The following MTUS2 variants were observed in gnomAD, a reference collection of about 807,000 sequenced individuals.
MTUS2 encodes microtubule-associated tumor suppressor candidate 2.
Under a neutral mutation model 114.1 loss-of-function variants are expected in MTUS2, and 40 were observed. The observed-to-expected ratio is 0.35, with a 90% CI of 0.27 to 0.46. The LOEUF is 0.46. MTUS2 is among the 20% of genes least tolerant of loss of function. The pLI is 1.00. For missense variants in MTUS2, 1,679 were observed against 1,705.4 expected, an observed-to-expected ratio of 0.98 and a Z score of 0.27; for synonymous variants, 688 against 672.0, an observed-to-expected ratio of 1.02 and a Z score of -0.37.
chr13:29,416,000 C>T (rs993242224), intron 8 of MTUS2, among the ~76,000 whole-genome samples: 1 of 152,020 alleles, frequency 6.6e-6, no homozygotes, highest in Non-Finnish European at 1.5e-5. Flanking sequence ...CTTACTGCAA[C>T]CTCTGCCTCC....
intron 2 of MTUS2, among the ~76,000 whole-genome samples, chr13:28,963,690 G>A (rs1293684428): frequency 6.7e-6 from 1 of 149,330 alleles, no homozygotes; most frequent in East Asian, 1.9e-4. Flanking sequence ...TGAAAGAGTT[G>A]TCTGTGGACG....
intron 5 of MTUS2, among the ~76,000 whole-genome samples, chr13:29,279,744 G>A (rs1206112211): frequency 1.3e-5 from 2 of 152,142 alleles, no homozygotes; most frequent in African/African-American, 4.8e-5. Flanking sequence ...ACTTCAAACA[G>A]ATGAATTACT....
At chr13:29,064,863 G>A (rs1888592830) in intron 4 of MTUS2, among the ~76,000 whole-genome samples, 1 of 152,188 alleles carries the variant, frequency 6.6e-6, no homozygotes, top group South Asian at 2.1e-4. Flanking sequence ...TCACTTGTAA[G>A]TGAGAACATG....
chr13:28,878,273 ATATG>A (rs1199317686), intron 2 of MTUS2, among the ~76,000 whole-genome samples: 1 of 150,202 alleles, frequency 6.7e-6, no homozygotes, highest in Admixed American at 6.6e-5. Flanking sequence ...ATATGTGTAT[ATATG>A]TGTGTGTATG....
chr13:29,166,534 C>G (rs1002127845), intron 5 of MTUS2, among the ~76,000 whole-genome samples: 3 of 152,202 alleles, frequency 2.0e-5, no homozygotes, highest in Non-Finnish European at 4.4e-5. Flanking sequence ...TAGTAATTCT[C>G]AGCAATAGAT....
chr13:29,389,463 A>ATGTATACACGTG (rs1566173151), intron 8 of MTUS2, among the ~76,000 whole-genome samples: 10 of 46,282 alleles, frequency 2.2e-4, no homozygotes, highest in South Asian at 9.7e-4. Flanking sequence ...ACGTGTGTGT[A>ATGTATACACGTG]TGTGTATATG....
chr13:28,966,450 A>C (rs1883585890), intron 2 of MTUS2, among the ~76,000 whole-genome samples: 1 of 152,152 alleles, frequency 6.6e-6, no homozygotes, highest in Non-Finnish European at 1.5e-5. Context: ...GGCTGGGTGC[A>C]ATGGGTCACA....
intron 2 of MTUS2, among the ~76,000 whole-genome samples, chr13:28,869,185 C>T (rs1256196440): frequency 2.0e-5 from 3 of 152,216 alleles, no homozygotes; most frequent in Non-Finnish European, 4.4e-5. Context: ...TCCACTCCTA[C>T]ACTCGTTGGA....
At chr13:29,344,210 T>C (rs998718668) in intron 7 of MTUS2, among the ~76,000 whole-genome samples, 3 of 145,044 alleles carry the variant, frequency 2.1e-5, no homozygotes, top group African/African-American at 7.5e-5. Context: ...TTGTTGACTT[T>C]CTGTCTTGAT....
intron 2 of MTUS2, among the ~76,000 whole-genome samples, chr13:28,915,449 A>G (rs1027156437): frequency 2.0e-5 from 3 of 151,858 alleles, no homozygotes; most frequent in Non-Finnish European, 3.0e-5. Flanking sequence ...CCATATCCTC[A>G]CTAGGATTTC....
chr13:28,914,693 C>T (rs1413266485), intron 2 of MTUS2, among the ~76,000 whole-genome samples: 1 of 151,918 alleles, frequency 6.6e-6, no homozygotes, highest in Non-Finnish European at 1.5e-5. Flanking sequence ...GTTAAAGTTT[C>T]CCACTATTAT....
intron 2 of MTUS2, among the ~76,000 whole-genome samples, chr13:28,992,487 C>T (rs1884906322): frequency 6.6e-6 from 1 of 152,094 alleles, no homozygotes; most frequent in South Asian, 2.1e-4. Context: ...TTGACGGCTG[C>T]ACATGGACTA....
chr13:29,101,115 A>C, intron 5 of MTUS2, 145 bp downstream of exon 5: 1 of 917,450 alleles, frequency 1.1e-6, no homozygotes, highest in Non-Finnish European at 1.6e-6. Context: ...TCATCTACTG[A>C]AGAAAAATAG....
At chr13:29,094,360 C>A (rs568929797) in intron 4 of MTUS2, among the ~76,000 whole-genome samples, 1 of 150,366 alleles carries the variant, frequency 6.7e-6, no homozygotes, top group Non-Finnish European at 1.5e-5. Context: ...TTTTTTATTT[C>A]TAATTCAATC....
chr13:28,977,158 C>A (rs534626114), intron 2 of MTUS2, among the ~76,000 whole-genome samples: 1 of 151,888 alleles, frequency 6.6e-6, no homozygotes, highest in Non-Finnish European at 1.5e-5. Context: ...GGGGTCATTG[C>A]GGGGGAGAGG....
chr13:28,965,677 G>C lies in MTUS2; in HGVS notation c.-242-58780G>C, dbSNP rs74570426. On this transcript the variant is annotated intron_variant, in intron 2 of 15. Transcript: ENST00000612955. ...TAAGGAATTGGCTCATCAACTGTAG[G>C]AACTAGCAAGTTCAAAACCTGCAGG... Among the ~76,000 whole-genome samples the C allele has an allele frequency of 4.8e-3, 731 of 152,234 alleles. 9 individuals are homozygous for C. Among genetic ancestry groups the C allele is most frequent in the African/African-American group, 0.017 (687 of 41,528 alleles).
chr13:29,189,516 C>T (rs1431191257), intron 5 of MTUS2, among the ~76,000 whole-genome samples: 1 of 151,558 alleles, frequency 6.6e-6, no homozygotes, highest in African/African-American at 2.4e-5. Context: ...CTAATGTTCT[C>T]TAGCTCAGGC....
At chr13:28,820,294 G>A (rs1015955489), upstream of MTUS2, 2 of 148,176 alleles carry the variant, frequency 1.3e-5, no homozygotes, top group African/African-American at 4.9e-5. Context: ...AGGTGAGTGC[G>A]GGGGCGCGGA....
At chr13:29,295,003 C>G (rs1898877377) in intron 6 of MTUS2, among the ~76,000 whole-genome samples, 1 of 152,160 alleles carries the variant, frequency 6.6e-6, no homozygotes, top group Non-Finnish European at 1.5e-5. Flanking sequence ...CTTAGTTATT[C>G]CTTTCCTACA....
Sources: allele counts gnomAD v4.1 joint callset (sites outside exome capture counted in the v4.1 genomes callset), GRCh38; gene constraint gnomAD v4.1.1; transcripts MANE v1.5; gene names NCBI Gene and HGNC (gene_info 2026-07-23, HGNC 2026-07-21).